The following ZNF516 variants were observed in gnomAD, a reference collection of about 807,000 sequenced individuals.
ZNF516 encodes zinc finger protein 516.
In ZNF516, 19 loss-of-function variants were observed where a neutral mutation model predicts 79.7. The observed-to-expected ratio is 0.24, with a 90% CI of 0.17 to 0.35. The LOEUF is 0.35. ZNF516 is among the 10% of genes least tolerant of loss of function. The pLI, the probability that ZNF516 is intolerant of heterozygous loss-of-function variation, is 1.00. For missense variants in ZNF516, 1,678 were observed against 1,679.5 expected (o/e 1.00, Z 0.02); for synonymous variants, 877 against 739.5 (o/e 1.19, Z -3.02).
At chr18:76,495,688 A>G, upstream of ZNF516, 1 of 1,193,680 alleles carries the variant, frequency 8.4e-7, no homozygotes, top group Non-Finnish European at 1.1e-6. Flanking sequence ...ACGCGCATCC[A>G]TACGTACAGA....
At chr18:76,400,015 C>CA (rs2075198097) in intron 3 of ZNF516, among the ~76,000 whole-genome samples, 1 of 152,172 alleles carries the variant, frequency 6.6e-6, no homozygotes, top group Admixed American at 6.5e-5. Flanking sequence ...AGCAGACCAT[C>CA]ACCGCAGAGC....
At chr18:76,384,226 G>A (rs1773760128) in intron 3 of ZNF516, among the ~76,000 whole-genome samples, 1 of 150,900 alleles carries the variant, frequency 6.6e-6, no homozygotes, top group African/African-American at 2.4e-5. Flanking sequence ...ACCCCCAACA[G>A]GTGGCAGCAG....
At chr18:76,408,527 G>A (rs2075331319) in intron 3 of ZNF516, among the ~76,000 whole-genome samples, 1 of 152,174 alleles carries the variant, frequency 6.6e-6, no homozygotes, top group Non-Finnish European at 1.5e-5. Flanking sequence ...AAGGAACCAG[G>A]AGGTGAAAAA....
Position 76,463,076 on chromosome 18 carries a change from G to C in ZNF516, c.-206C>G, listed in dbSNP as rs1242613295. The C allele has an allele frequency of 6.6e-6, 1 of 152,228 alleles. No homozygotes were observed. The highest frequency in any genetic ancestry group is 1.5e-5 in the Non-Finnish European group (1 of 68,046). The allele number at this position is 152,228 out of a possible 1,614,324, so 9.4% of individuals were successfully genotyped here. On this transcript the variant is annotated 5_prime_UTR_variant, in exon 2 of 7. In the 5' UTR this introduces an upstream ATG that the reference lacks. Transcript: ENST00000443185. The stretch of plus-strand genomic sequence containing the variant: ...AATGCAATGACAACGCTCCCAGTTG[G>C]ATGCTGGTACTCTCAGCTAAAAGTG...
chr18:76,454,960 A>C (rs1216594953), intron 2 of ZNF516, among the ~76,000 whole-genome samples: 1 of 152,214 alleles, frequency 6.6e-6, no homozygotes, highest in African/African-American at 2.4e-5. Context: ...GGTAAAAATA[A>C]ATTTAAAACG....
At position 76,371,508 on chromosome 18, in the gene ZNF516, T is replaced by C; in HGVS notation, c.3323A>G (p.His1108Arg). The change falls in exon 5 of 7, where the codon CAC becomes CGC. Residue 1108 changes from histidine (H) to arginine (R), a missense_variant. Physicochemically the swap from His to Arg is conservative, Grantham distance 29 (BLOSUM62 0). Around this residue, in one of 5 missense-constraint regions of ZNF516, gnomAD observed 1,294 missense variants for 1,248.3 expected, o/e 1.04. Transcript: ENST00000443185. ...GTGGGCCCTGAGGTGGCCGGGCTGG[T>C]GGAAGCTCTTTCCGCACTCGATGCA... is the stretch of plus-strand genomic sequence containing the variant. ...FVCIECGKSF[H>R]QPGHLRAHMR... 6.2e-7 allele frequency: 1 copy of C among 1,610,348 alleles called. No homozygotes were observed.
intron 3 of ZNF516, among the ~76,000 whole-genome samples, chr18:76,423,380 T>A (rs2075534493): frequency 6.6e-6 from 1 of 152,144 alleles, no homozygotes; most frequent in African/African-American, 2.4e-5. Context: ...CAACAAGACG[T>A]GACAAAACAT....
At chr18:76,391,852 T>C (rs930364389) in intron 3 of ZNF516, among the ~76,000 whole-genome samples, 6 of 152,162 alleles carry the variant, frequency 3.9e-5, no homozygotes, top group African/African-American at 9.7e-5. Context: ...AGCCTCGCCC[T>C]GAAGGCCGGA....
chr18:76,494,160 A>G (rs2145851840), intron 1 of ZNF516, among the ~76,000 whole-genome samples: 1 of 152,284 alleles, frequency 6.6e-6, no homozygotes, highest in East Asian at 1.9e-4. Context: ...TGCTGCTTTT[A>G]AATACCCCAC....
At chr18:76,450,815 CTA>C (rs1912362694) in intron 2 of ZNF516, among the ~76,000 whole-genome samples, 1 of 152,144 alleles carries the variant, frequency 6.6e-6, no homozygotes, top group Non-Finnish European at 1.5e-5. Flanking sequence ...AAAATAATAA[CTA>C]TGTCTCTGAA....
At chr18:76,373,296 G>C (rs888939268) in intron 4 of ZNF516, among the ~76,000 whole-genome samples, 1 of 151,536 alleles carries the variant, frequency 6.6e-6, no homozygotes, top group Non-Finnish European at 1.5e-5. Flanking sequence ...GAAAAGGGAG[G>C]GAGGGAAAGA....
At chr18:76,371,238 C>T (rs1323203364) in intron 5 of ZNF516, among the ~76,000 whole-genome samples, 4 of 152,224 alleles carry the variant, frequency 2.6e-5, no homozygotes, top group Non-Finnish European at 5.9e-5. Context: ...CATTTGCAAA[C>T]AGGCTTATCT....
intron 1 of ZNF516, among the ~76,000 whole-genome samples, chr18:76,480,494 TACACAC>T (rs910430019): frequency 9.9e-5 from 13 of 131,146 alleles, no homozygotes; most frequent in South Asian, 5.0e-4. Flanking sequence ...CATATACACA[TACACAC>T]ACACACACAC....
Position 76,442,780 on chromosome 18 carries a change from C to A in ZNF516, c.275G>T (p.Gly92Val). ...RSHRTGTLIQ[G>V]HEPEAGEAPL... Reference sequence around the variant, plus strand: ...CGCCTCGCCCGCCTCCGGCTCGTGTCCCTGAATCAGAGTCCCCGTGCGGTG... The same window carrying A: ...CGCCTCGCCCGCCTCCGGCTCGTGTACCTGAATCAGAGTCCCCGTGCGGTG... The change falls in exon 3 of 7, where the codon GGA becomes GTA. Residue 92 changes from glycine (G) to valine (V), a missense_variant. Physicochemically the swap from Gly to Val is moderately radical, Grantham distance 109. Coordinates refer to ENST00000443185, the MANE Select transcript of ZNF516 (RefSeq NM_014643.4). 6.2e-7 allele frequency: 1 copy of A among 1,603,752 alleles called. No individual in the cohort carries two copies.
At chr18:76,433,036 T>C (rs943480670) in intron 3 of ZNF516, among the ~76,000 whole-genome samples, 4 of 152,168 alleles carry the variant, frequency 2.6e-5, no homozygotes, top group African/African-American at 7.2e-5. Context: ...ACATCCTGAG[T>C]GGCAACGACA....
chr18:76,408,545 A>T (rs2075331544), intron 3 of ZNF516, among the ~76,000 whole-genome samples: 1 of 152,206 alleles, frequency 6.6e-6, no homozygotes, highest in African/African-American at 2.4e-5. Context: ...AAACGTCTAA[A>T]GGCGGAAGGT....
intron 3 of ZNF516, among the ~76,000 whole-genome samples, chr18:76,437,946 T>A (rs2075765381): frequency 6.6e-6 from 1 of 152,142 alleles, no homozygotes; most frequent in Non-Finnish European, 1.5e-5. Context: ...ATCTATTGAG[T>A]CGCAGTGAGT....
At chr18:76,385,370 G>A (rs2074970344) in intron 3 of ZNF516, among the ~76,000 whole-genome samples, 1 of 152,226 alleles carries the variant, frequency 6.6e-6, no homozygotes, top group East Asian at 1.9e-4. Flanking sequence ...AGTCCCTGAG[G>A]CAACATCTTC....
intron 1 of ZNF516, among the ~76,000 whole-genome samples, chr18:76,486,687 A>G (rs944478615): frequency 1.3e-3 from 19 of 14,564 alleles, no homozygotes; most frequent in African/African-American, 2.6e-3. Context: ...GTTTTGAAGG[A>G]AAAAAAAAAA....
Sources: allele counts gnomAD v4.1 joint callset (sites outside exome capture counted in the v4.1 genomes callset), GRCh38; gene constraint gnomAD v4.1.1; regional missense constraint gnomAD v4.1.1; transcripts MANE v1.5; gene names NCBI Gene and HGNC (gene_info 2026-07-23, HGNC 2026-07-21).